Variants in EPHA5 observed in about 807,000 individuals in gnomAD.
EPHA5 encodes EPH receptor A5.
In EPHA5, 60 loss-of-function variants were observed where a neutral mutation model predicts 105.0. The ratio of observed to expected loss-of-function variants is 0.57; its 90% CI spans 0.46 to 0.71. EPHA5 has a LOEUF of 0.71. Ranked by LOEUF, EPHA5 falls within the 30% of genes least tolerant of loss-of-function variation. The probability of loss-of-function intolerance (pLI) is 0.00; values close to 1 mark genes in which losing one functional copy is unlikely to be tolerated. For synonymous variants in EPHA5, 513 were observed against 449.1 expected, an observed-to-expected ratio of 1.14 and a Z score of -1.80; for missense variants, 1,218 against 1,274.7, an observed-to-expected ratio of 0.96 and a Z score of 0.68.
chr4:65,460,190 G>A (rs930482975), intron 5 of EPHA5, among the ~76,000 whole-genome samples: 1 of 151,104 alleles, frequency 6.6e-6, no homozygotes, highest in Non-Finnish European at 1.5e-5. Flanking sequence ...ATATATATAG[G>A]AAATTTAAAT....
At chr4:65,346,680 G>C (rs535025794) in intron 14 of EPHA5, among the ~76,000 whole-genome samples, 232 of 152,212 alleles carry the variant, frequency 1.5e-3, no homozygotes, top group Non-Finnish European at 2.4e-3. Flanking sequence ...ACTACCATCA[G>C]AGTGAACAGG....
intron 8 of EPHA5, among the ~76,000 whole-genome samples, chr4:65,392,322 A>G (rs924345893): frequency 6.6e-6 from 1 of 152,106 alleles, no homozygotes; most frequent in Non-Finnish European, 1.5e-5. Context: ...GCTAACTCAT[A>G]AGCTTCTGAG....
chr4:65,359,805 G>A (rs1717097975), intron 11 of EPHA5, among the ~76,000 whole-genome samples: 2 of 151,566 alleles, frequency 1.3e-5, no homozygotes, highest in Admixed American at 1.3e-4. Flanking sequence ...TCTTAACCCA[G>A]CAGCCTTTCT....
At chr4:65,426,698 C>T (rs1217001655) in intron 5 of EPHA5, among the ~76,000 whole-genome samples, 3 of 152,020 alleles carry the variant, frequency 2.0e-5, no homozygotes, top group Non-Finnish European at 4.4e-5. Context: ...GTTTTTAAGT[C>T]GAATCAATTA....
At chr4:65,405,493 T>G (rs184153082) in intron 7 of EPHA5, among the ~76,000 whole-genome samples, 2 of 152,250 alleles carry the variant, frequency 1.3e-5, no homozygotes, top group Admixed American at 1.3e-4. Flanking sequence ...ACCAAGAGAT[T>G]TGGATCTCCA....
intron 5 of EPHA5, among the ~76,000 whole-genome samples, chr4:65,468,668 TAACATATATACATATATATATAA>T (rs1390300368): frequency 8.3e-4 from 9 of 10,796 alleles, no homozygotes; most frequent in African/African-American, 1.1e-3. Context: ...AAAATATATA[TAACATATATACATATATATATAA>T]AATATATATA....
At chr4:65,333,683 A>G (rs1362993694) in intron 15 of EPHA5, among the ~76,000 whole-genome samples, 3 of 103,476 alleles carry the variant, frequency 2.9e-5, no homozygotes, top group South Asian at 2.9e-4. Flanking sequence ...ATATTTTTCT[A>G]TTTAGGCTAT....
chr4:65,604,729 A>T (rs1394349488), intron 2 of EPHA5, among the ~76,000 whole-genome samples: 1 of 58,998 alleles, frequency 1.7e-5, no homozygotes, highest in South Asian at 7.6e-4. Context: ...TCAGGTATGT[A>T]AAAAAAAAAA....
Position 65,440,105 on chromosome 4 carries a change from T to A in EPHA5, c.1403-19540A>T, listed in dbSNP as rs1247473362. ...TTACTGTAAACATTTAATAATATAC[T>A]TATTTAAACCAAAATAGACTTGTTT... On this transcript the variant is annotated intron_variant, in intron 5 of 16. Transcript: ENST00000613740. 2.0e-5 allele frequency among the ~76,000 whole-genome samples: 3 copies of A among 152,072 alleles called. No individual in the cohort carries two copies. The East Asian group carries it at 5.8e-4, about 29-fold the overall frequency.
intron 8 of EPHA5, among the ~76,000 whole-genome samples, chr4:65,403,024 G>A (rs1226351308): frequency 6.6e-6 from 1 of 151,882 alleles, no homozygotes; most frequent in Non-Finnish European, 1.5e-5. Flanking sequence ...TGTCCCCTAG[G>A]CTAGAAATTC....
intron 3 of EPHA5, among the ~76,000 whole-genome samples, chr4:65,559,757 C>T (rs549674644): frequency 2.0e-5 from 3 of 151,944 alleles, no homozygotes; most frequent in African/African-American, 7.3e-5. Flanking sequence ...CTTCAGGGAC[C>T]CTTAGTCTGA....
intron 11 of EPHA5, among the ~76,000 whole-genome samples, chr4:65,363,206 GAGA>G (rs957364279): frequency 5.3e-5 from 8 of 151,498 alleles, no homozygotes; most frequent in Non-Finnish European, 1.2e-4. Context: ...AAGATAAGTG[GAGA>G]AGTAGTAACT....
intron 3 of EPHA5, among the ~76,000 whole-genome samples, chr4:65,496,682 A>T (rs1731976650): frequency 6.6e-6 from 1 of 152,020 alleles, no homozygotes; most frequent in South Asian, 2.1e-4. Context: ...TAATGCCGCA[A>T]TAAACATACG....
At chr4:65,521,964 A>C (rs973625341) in intron 3 of EPHA5, among the ~76,000 whole-genome samples, 4 of 152,026 alleles carry the variant, frequency 2.6e-5, no homozygotes, top group South Asian at 2.1e-4. Flanking sequence ...TCTGAAAATC[A>C]TTATGTAACT....
chr4:65,486,825 T>C (rs1020147621), intron 5 of EPHA5, among the ~76,000 whole-genome samples: 3 of 152,224 alleles, frequency 2.0e-5, no homozygotes, highest in Non-Finnish European at 1.5e-5. Flanking sequence ...TGGGCCTGTG[T>C]CCCTTCCCAA....
At chr4:65,502,988 T>C (rs1732645436) in intron 3 of EPHA5, among the ~76,000 whole-genome samples, 1 of 151,848 alleles carries the variant, frequency 6.6e-6, no homozygotes, top group African/African-American at 2.4e-5. Flanking sequence ...CTGGAAGCTA[T>C]TATCCTAAGT....
At chr4:65,362,885 AT>A (rs1275583382) in intron 11 of EPHA5, among the ~76,000 whole-genome samples, 1 of 151,696 alleles carries the variant, frequency 6.6e-6, no homozygotes, top group African/African-American at 2.4e-5. Flanking sequence ...GAGCTGAAAA[AT>A]ATAAGCAAAA....
chr4:65,454,910 G>A (rs1465848430), intron 5 of EPHA5, among the ~76,000 whole-genome samples: 1 of 152,030 alleles, frequency 6.6e-6, no homozygotes. Flanking sequence ...TCTCACCTCT[G>A]ACTCTCTCTC....
intron 5 of EPHA5, among the ~76,000 whole-genome samples, chr4:65,430,001 G>C (rs1005648709): frequency 6.6e-6 from 1 of 151,902 alleles, no homozygotes; most frequent in Non-Finnish European, 1.5e-5. Context: ...GATTGCAGCT[G>C]GTCAACCTTT....
Sources: allele counts gnomAD v4.1 joint callset (sites outside exome capture counted in the v4.1 genomes callset), GRCh38; gene constraint gnomAD v4.1.1; transcripts MANE v1.5; gene names NCBI Gene and HGNC (gene_info 2026-07-23, HGNC 2026-07-21).